Variants in RBBP8 observed in about 807,000 individuals in gnomAD.
RBBP8 encodes the protein RB binding protein 8, endonuclease, also known as DNA endonuclease RBBP8.
A neutral mutation model predicts 108.3 loss-of-function variants in RBBP8; 88 were observed. The ratio of observed to expected loss-of-function variants is 0.81; its 90% CI spans 0.68 to 0.97. The LOEUF (loss-of-function observed/expected upper bound fraction) is 0.97. Ranked by LOEUF, RBBP8 falls within the 50% of genes least tolerant of loss-of-function variation. The pLI, the probability that RBBP8 is intolerant of heterozygous loss-of-function variation, is 0.00. For synonymous variants in RBBP8, 332 were observed against 348.2 expected (o/e 0.95, Z 0.52); for missense variants, 1,023 against 1,049.0 (o/e 0.98, Z 0.34).
At chr18:22,928,093 C>T (rs929020451) in intron 3 of RBBP8, among the ~76,000 whole-genome samples, 2 of 150,314 alleles carry the variant, frequency 1.3e-5, no homozygotes, top group Non-Finnish European at 3.0e-5. Flanking sequence ...CCCAGCTACT[C>T]GGGAGACTGA....
chr18:22,922,429 C>A (rs76751647), intron 3 of RBBP8, among the ~76,000 whole-genome samples: 2,117 of 152,110 alleles, frequency 0.014, 41 homozygotes, highest in African/African-American at 0.048. Context: ...ACACACACTG[C>A]TGAAAAAAGC....
chr18:22,988,699 C>G (rs1343486813), intron 8 of RBBP8, among the ~76,000 whole-genome samples: 1 of 152,136 alleles, frequency 6.6e-6, no homozygotes, highest in Non-Finnish European at 1.5e-5. Context: ...TTCTTTTCAT[C>G]TACTGCTTAG....
intron 2 of RBBP8, among the ~76,000 whole-genome samples, chr18:22,943,973 G>T (rs1313449578): frequency 6.6e-6 from 1 of 152,018 alleles, no homozygotes; most frequent in African/African-American, 2.4e-5. Flanking sequence ...CACAGTGCTT[G>T]GTCTTGTGAA....
chr18:22,992,956 T>C lies in RBBP8; in HGVS notation c.1129T>C (p.Ser377Pro), dbSNP rs1400694602. Reference sequence around the variant, plus strand: ...TATATCTAGATTAGAAAAAACTAGATCAAAATCTGAAGATAGTGCCCTTTT... The same window carrying C: ...TATATCTAGATTAGAAAAAACTAGACCAAAATCTGAAGATAGTGCCCTTTT... ...TCISRLEKTR[S>P]KSEDSALFTH... Residue 377 changes from serine to proline, a missense_variant, in exon 11 of 19, where the codon TCA becomes CCA. Transcript: ENST00000327155. 2 of 1,613,646 alleles carry C rather than the reference T, an allele frequency of 1.2e-6. No individual in the cohort carries two copies. Among genetic ancestry groups the C allele is most frequent in the Admixed American group, 1.7e-5 (1 of 60,008 alleles).
At chr18:22,935,274 T>A (rs567367764) in intron 1 of RBBP8, among the ~76,000 whole-genome samples, 1 of 150,098 alleles carries the variant, frequency 6.7e-6, no homozygotes, top group South Asian at 2.1e-4. Flanking sequence ...TCACCCAACA[T>A]CCATTTTTGT....
chr18:22,922,610 G>A (rs868591022), intron 3 of RBBP8, among the ~76,000 whole-genome samples: 8 of 152,064 alleles, frequency 5.3e-5, no homozygotes, highest in Middle Eastern at 3.4e-3. Flanking sequence ...CTATAGGCAC[G>A]CATAACCATG....
At chr18:22,956,055 T>G (rs912088582) in intron 4 of RBBP8, among the ~76,000 whole-genome samples, 1 of 152,182 alleles carries the variant, frequency 6.6e-6, no homozygotes, top group Non-Finnish European at 1.5e-5. Flanking sequence ...AAATATCAGG[T>G]CTTCAACATT....
intron 3 of RBBP8, among the ~76,000 whole-genome samples, chr18:22,923,566 T>C (rs1309711100): frequency 6.6e-6 from 1 of 152,144 alleles, no homozygotes; most frequent in Non-Finnish European, 1.5e-5. Context: ...CCTCTTTCAG[T>C]GAGGGAAATA....
At chr18:22,964,827 T>A (rs1306249968) in intron 4 of RBBP8, among the ~76,000 whole-genome samples, 4 of 152,036 alleles carry the variant, frequency 2.6e-5, no homozygotes, top group Non-Finnish European at 5.9e-5. Flanking sequence ...TCTTTTTTGT[T>A]CTCAGAATAT....
chr18:22,936,981 C>T (rs772050923), intron 2 of RBBP8, 21 bp downstream of exon 2: 1 of 1,613,112 alleles, frequency 6.2e-7, no homozygotes, highest in South Asian at 1.1e-5. Context: ...TTCTTAAATA[C>T]TTACAGCAGT....
intron 2 of RBBP8, among the ~76,000 whole-genome samples, chr18:22,940,862 C>A (rs12954377): frequency 0.49 from 74,611 of 151,554 alleles, 21,751 homozygotes; most frequent in Middle Eastern, 0.67. Context: ...CCAGGCTAGT[C>A]TCAACTCCTG....
At chr18:22,972,182 C>T (rs564333777) in intron 5 of RBBP8, among the ~76,000 whole-genome samples, 4 of 149,330 alleles carry the variant, frequency 2.7e-5, no homozygotes, top group African/African-American at 4.9e-5. Flanking sequence ...GGTGAAAACC[C>T]GTCTCTACTA....
At chr18:22,958,977 T>G (rs1176465535) in intron 4 of RBBP8, among the ~76,000 whole-genome samples, 1 of 152,262 alleles carries the variant, frequency 6.6e-6, no homozygotes, top group Non-Finnish European at 1.5e-5. Flanking sequence ...AATTCAGTTA[T>G]TTCATTTCTC....
rs760170804 is a variant in RBBP8, at chr18:22,990,974, T to A, written c.845T>A (p.Leu282His). ...CCCATGAGCCCCCTTGGTGATGAGC[T>A]CTACCACTGTCTGGAAGGAAATCAC... The part of the protein sequence containing the change: ...QGPMSPLGDE[L>H]YHCLEGNHKK... Residue 282 changes from leucine to histidine, a missense_variant, in exon 10 of 19, where the codon CTC (leucine) becomes CAC (histidine). Transcript: ENST00000327155. 2.5e-6 allele frequency: 4 copies of A among 1,613,836 alleles called. No homozygotes were observed. The South Asian group carries it at 4.4e-5, about 18-fold the overall frequency.
At chr18:22,980,019 G>T (rs976961507) in intron 6 of RBBP8, among the ~76,000 whole-genome samples, 1 of 152,084 alleles carries the variant, frequency 6.6e-6, no homozygotes, top group Admixed American at 6.6e-5. Flanking sequence ...GCCGAGACGG[G>T]TGGATCACTT....
At chr18:22,999,468 A>G (rs1002163847) in intron 14 of RBBP8, among the ~76,000 whole-genome samples, 9 of 152,184 alleles carry the variant, frequency 5.9e-5, no homozygotes, top group Non-Finnish European at 5.9e-5. Flanking sequence ...TTGGCACCCC[A>G]ACAGAACAAA....
intron 16 of RBBP8, 121 bp downstream of exon 16, chr18:23,006,553 G>A: frequency 1.2e-6 from 1 of 844,510 alleles, no homozygotes; most frequent in South Asian, 1.5e-5. Context: ...CCAGGCTAGA[G>A]TGCAATGGCG....
intron 14 of RBBP8, among the ~76,000 whole-genome samples, chr18:22,999,667 C>T (rs77243546): frequency 6.6e-6 from 1 of 151,758 alleles, no homozygotes; most frequent in Non-Finnish European, 1.5e-5. Context: ...AAAATTACCC[C>T]ATAAGGTAAA....
At chr18:22,945,830 A>G (rs1376160967) in intron 2 of RBBP8, among the ~76,000 whole-genome samples, 1 of 152,094 alleles carries the variant, frequency 6.6e-6, no homozygotes, top group Admixed American at 6.6e-5. Context: ...ATTACTGTTC[A>G]TGAAAATTAG....
Sources: gnomAD v4.1 joint callset for allele counts (sites outside exome capture counted in the v4.1 genomes callset) on GRCh38, gnomAD v4.1.1 for gene constraint, MANE v1.5 for transcripts, NCBI Gene and HGNC (gene_info 2026-07-23, HGNC 2026-07-21) for gene names.